The following SLC35F4 variants were observed in gnomAD, a reference collection of about 807,000 sequenced individuals.
SLC35F4 encodes chromosome 14 open reading frame 36.
In SLC35F4, 24 loss-of-function variants were observed where a neutral mutation model predicts 44.2. The ratio of observed to expected loss-of-function variants is 0.54; its 90% CI spans 0.39 to 0.76. The LOEUF (loss-of-function observed/expected upper bound fraction) is 0.76, where lower values mean the gene tolerates loss of function less well. Ranked by LOEUF, SLC35F4 falls within the 30% of genes least tolerant of loss-of-function variation. The pLI, the probability that SLC35F4 is intolerant of heterozygous loss-of-function variation, is 0.00. For synonymous variants in SLC35F4, 238 were observed against 223.6 expected, an observed-to-expected ratio of 1.06 and a Z score of -0.57; for missense variants, 562 against 586.1, an observed-to-expected ratio of 0.96 and a Z score of 0.42.
intron 1 of SLC35F4, among the ~76,000 whole-genome samples, chr14:57,920,981 T>C (rs1425884638): frequency 6.6e-6 from 1 of 152,222 alleles, no homozygotes; most frequent in Admixed American, 6.5e-5. Context: ...TACACATCAT[T>C]GAAAGGAAGA....
In SLC35F4 at chr14:57,741,938, A is replaced by C. The variant is rs566851070; in HGVS notation, c.103+123785T>G. ...AATATTCAACATTCTCAAAGAAAGGAATTTTCAACCCAGAATTTCATATCA... is the reference window on the plus strand; with the variant it reads ...AATATTCAACATTCTCAAAGAAAGGCATTTTCAACCCAGAATTTCATATCA... On this transcript the variant is annotated intron_variant, in intron 1 of 7. Coordinates refer to ENST00000556826, the MANE Select transcript of SLC35F4 (RefSeq NM_001306087.2). 1.1e-4 allele frequency among the ~76,000 whole-genome samples: 16 copies of C among 152,328 alleles called. No individual in the cohort carries two copies. The South Asian group carries it at 3.3e-3, about 32-fold the overall frequency.
At chr14:57,607,357 C>G (rs1022264375) in intron 1 of SLC35F4, among the ~76,000 whole-genome samples, 3 of 152,184 alleles carry the variant, frequency 2.0e-5, no homozygotes, top group African/African-American at 7.2e-5. Flanking sequence ...TTAGGAAGCT[C>G]TGCTGTGATT....
At chr14:57,687,917 G>C (rs904634733) in intron 1 of SLC35F4, among the ~76,000 whole-genome samples, 1 of 152,186 alleles carries the variant, frequency 6.6e-6, no homozygotes, top group African/African-American at 2.4e-5. Context: ...TGCGCATTCA[G>C]GTTAAAATTG....
At chr14:57,564,472 G>A in intron 7 of SLC35F4, 96 bp from the exon 8 acceptor site, 2 of 1,467,380 alleles carry the variant, frequency 1.4e-6, no homozygotes. Flanking sequence ...AGATTTCCAA[G>A]AGTCTTCTTT....
At chr14:57,596,761 C>G in intron 1 of SLC35F4, 1 of 1,360,718 alleles carries the variant, frequency 7.3e-7, no homozygotes, top group Non-Finnish European at 9.8e-7. Context: ...ATCTTCCTTT[C>G]TCATTTTCAC....
intron 1 of SLC35F4, among the ~76,000 whole-genome samples, chr14:57,780,990 T>C (rs895859815): frequency 6.6e-6 from 1 of 152,076 alleles, no homozygotes; most frequent in Non-Finnish European, 1.5e-5. Flanking sequence ...GCAATATTAT[T>C]CCGGACATAG....
chr14:57,638,876 G>A (rs1378044522), intron 1 of SLC35F4, among the ~76,000 whole-genome samples: 1 of 152,076 alleles, frequency 6.6e-6, no homozygotes. Flanking sequence ...CCTCTTGAGA[G>A]AATGCAAGCC....
At chr14:57,734,710 A>G (rs1004213569) in intron 1 of SLC35F4, among the ~76,000 whole-genome samples, 3 of 152,166 alleles carry the variant, frequency 2.0e-5, no homozygotes, top group Admixed American at 6.5e-5. Flanking sequence ...TTGGAAAAAG[A>G]AAAGGCTTTT....
rs374825963 is a variant in SLC35F4 at position 57,908,250 on chromosome 14, C to T, written n.282+73663G>A. 1.4e-3 allele frequency among the ~76,000 whole-genome samples: 207 copies of T among 152,286 alleles called. 1 individual carries two copies. Among genetic ancestry groups the T allele is most frequent in the African/African-American group, 4.9e-3 (202 of 41,562 alleles). On this transcript the variant is annotated intron_variant and non_coding_transcript_variant, in intron 1 of 1. Coordinates refer to the SLC35F4 transcript ENST00000556568. ...CTATTGTAAATAGTGCTGCAATAAA[C>T]ATATGTGTGCATGTGTCTTTAGAGT...
chr14:57,891,679 C>A (rs956851402), intron 1 of SLC35F4, among the ~76,000 whole-genome samples: 3 of 152,088 alleles, frequency 2.0e-5, no homozygotes, highest in African/African-American at 4.8e-5. Flanking sequence ...AGATCGAGAG[C>A]ATCCTGGCCA....
chr14:57,644,922 G>C (rs148782293), intron 1 of SLC35F4, among the ~76,000 whole-genome samples: 2,402 of 152,254 alleles, frequency 0.016, 21 homozygotes, highest in Non-Finnish European at 0.023. Context: ...TCAAAGATCA[G>C]ATAGTTGTAG....
intron 1 of SLC35F4, among the ~76,000 whole-genome samples, chr14:57,716,568 A>T (rs975916192): frequency 4.6e-5 from 7 of 152,210 alleles, no homozygotes; most frequent in South Asian, 2.1e-4. Flanking sequence ...CAATTACTCA[A>T]AAATCCACTT....
intron 1 of SLC35F4, among the ~76,000 whole-genome samples, chr14:57,964,017 C>T (rs1890387444): frequency 6.6e-6 from 1 of 152,134 alleles, no homozygotes; most frequent in Admixed American, 6.5e-5. Context: ...CCACCATGCC[C>T]AGCCCTAGCT....
chr14:57,663,401 G>A (rs2074202312), intron 1 of SLC35F4, among the ~76,000 whole-genome samples: 1 of 152,138 alleles, frequency 6.6e-6, no homozygotes, highest in Admixed American at 6.6e-5. Flanking sequence ...TTGTTCAGGA[G>A]AGGGCCAGAC....
intron 1 of SLC35F4, among the ~76,000 whole-genome samples, chr14:57,888,718 C>T (rs1400626064): frequency 6.6e-6 from 1 of 152,078 alleles, no homozygotes; most frequent in African/African-American, 2.4e-5. Context: ...AAAAGAAAAA[C>T]AAGAAAGTCA....
intron 1 of SLC35F4, among the ~76,000 whole-genome samples, chr14:57,766,991 A>G (rs1458873107): frequency 6.6e-6 from 1 of 152,242 alleles, no homozygotes; most frequent in Non-Finnish European, 1.5e-5. Flanking sequence ...AATGAGAAAA[A>G]GAGGCACATT....
chr14:57,633,184 C>T (rs1367863761), intron 1 of SLC35F4, among the ~76,000 whole-genome samples: 1 of 152,124 alleles, frequency 6.6e-6, no homozygotes. Context: ...AAGAAAGCTG[C>T]TCTAAATATT....
At chr14:57,872,948 C>T (rs1324181000) in intron 1 of SLC35F4, among the ~76,000 whole-genome samples, 1 of 152,160 alleles carries the variant, frequency 6.6e-6, no homozygotes, top group Non-Finnish European at 1.5e-5. Flanking sequence ...TGGCACATAC[C>T]CCTGCTCCAC....
intron 1 of SLC35F4, among the ~76,000 whole-genome samples, chr14:57,917,211 C>T (rs1301741964): frequency 6.6e-6 from 1 of 152,082 alleles, no homozygotes; most frequent in East Asian, 1.9e-4. Flanking sequence ...CAGGTGCACA[C>T]CACCACTCCC....
Sources: gnomAD v4.1 joint callset for allele counts (sites outside exome capture counted in the v4.1 genomes callset) on GRCh38, gnomAD v4.1.1 for gene constraint, MANE v1.5 for transcripts, NCBI Gene and HGNC (gene_info 2026-07-23, HGNC 2026-07-21) for gene names.